PTPRD: variants seen among roughly 807,000 people sequenced by gnomAD.
PTPRD encodes receptor-type tyrosine-protein phosphatase delta.
A neutral mutation model predicts 214.5 loss-of-function variants in PTPRD; 34 were observed. The ratio of observed to expected loss-of-function variants is 0.16; its 90% CI spans 0.12 to 0.21. The LOEUF (loss-of-function observed/expected upper bound fraction) is 0.21. Ranked by LOEUF, PTPRD falls within the 10% of genes least tolerant of loss-of-function variation. The probability of loss-of-function intolerance (pLI) is 1.00; values close to 1 mark genes in which losing one functional copy is unlikely to be tolerated. For synonymous variants in PTPRD, 1,128 were observed against 845.7 expected (o/e 1.33, Z -5.79); for missense variants, 2,545 against 2,398.7 (o/e 1.06, Z -1.27).
rs556701022 is a variant in PTPRD at position 9,716,990 on chromosome 9, T to A, written c.-287+17543A>T. Among the ~76,000 whole-genome samples, 7 of 152,320 alleles carry A rather than the reference T, an allele frequency of 4.6e-5. 1 individual carries two copies. The South Asian group carries it at 1.2e-3, about 27-fold the overall frequency. ...AGGATTTTTATGGTTTTAGATCTAA[T>A]GTTGAAGTCTTTAATCCATCTTGAA... On this transcript the variant is annotated intron_variant, in intron 7 of 45. Coordinates refer to ENST00000381196, the MANE Select transcript of PTPRD (RefSeq NM_002839.4).
intron 3 of PTPRD, among the ~76,000 whole-genome samples, chr9:10,050,475 G>C (rs1022636281): frequency 1.4e-5 from 2 of 140,294 alleles, no homozygotes; most frequent in African/African-American, 2.6e-5. Flanking sequence ...CAGGAGAATT[G>C]CTTGAACCCA....
At chr9:9,359,368 G>A (rs1042721570) in intron 9 of PTPRD, among the ~76,000 whole-genome samples, 4 of 151,156 alleles carry the variant, frequency 2.6e-5, no homozygotes, top group African/African-American at 7.3e-5. Context: ...TTGATTTAAT[G>A]GTATGCATGA....
intron 11 of PTPRD, among the ~76,000 whole-genome samples, chr9:8,740,533 G>A (rs1463789586): frequency 6.6e-6 from 1 of 152,042 alleles, no homozygotes; most frequent in Non-Finnish European, 1.5e-5. Context: ...CTGAGAAAAG[G>A]GGCCATTGAA....
intron 7 of PTPRD, among the ~76,000 whole-genome samples, chr9:9,682,634 C>A (rs977467359): frequency 1.3e-5 from 2 of 151,692 alleles, no homozygotes; most frequent in Admixed American, 6.6e-5. Context: ...CTTAGGGAGA[C>A]AGACTGTCCA....
intron 3 of PTPRD, among the ~76,000 whole-genome samples, chr9:10,240,344 G>A (rs2099643490): frequency 6.6e-6 from 1 of 151,786 alleles, no homozygotes; most frequent in African/African-American, 2.4e-5. Context: ...TTTCAGCCAT[G>A]ACCCTTATGA....
chr9:10,508,339 C>T (rs1278391748), intron 2 of PTPRD, among the ~76,000 whole-genome samples: 1 of 152,142 alleles, frequency 6.6e-6, no homozygotes, highest in Non-Finnish European at 1.5e-5. Context: ...CACTTTTACA[C>T]TGTTGGTGGG....
chr9:8,708,616 T>C (rs547993508), intron 12 of PTPRD, among the ~76,000 whole-genome samples: 90 of 147,078 alleles, frequency 6.1e-4, no homozygotes, highest in African/African-American at 2.2e-3. Flanking sequence ...GAGTCGGAAG[T>C]TGCAGTGAGC....
intron 7 of PTPRD, among the ~76,000 whole-genome samples, chr9:9,670,754 G>T (rs922627127): frequency 1.3e-5 from 2 of 152,208 alleles, no homozygotes; most frequent in African/African-American, 4.8e-5. Context: ...TCCACATGGT[G>T]TTGAGCCTGC....
At chr9:8,372,135 T>C (rs1292785335) in intron 39 of PTPRD, among the ~76,000 whole-genome samples, 2 of 152,048 alleles carry the variant, frequency 1.3e-5, no homozygotes, top group Non-Finnish European at 2.9e-5. Flanking sequence ...CTGAGAAAAG[T>C]CTCATGGGAT....
At chr9:8,606,870 C>T (rs2095243180) in intron 14 of PTPRD, among the ~76,000 whole-genome samples, 2 of 152,176 alleles carry the variant, frequency 1.3e-5, no homozygotes, top group African/African-American at 4.8e-5. Context: ...GGATCTGTCA[C>T]AGTTTTTTTT....
intron 11 of PTPRD, among the ~76,000 whole-genome samples, chr9:8,786,338 CAGG>C (rs1220791385): frequency 2.7e-5 from 4 of 150,026 alleles, no homozygotes; most frequent in Admixed American, 6.7e-5. Context: ...TCTATTTTTG[CAGG>C]TATTAGGCAC....
At chr9:9,858,022 CAAAAG>C (rs1410470974) in intron 5 of PTPRD, among the ~76,000 whole-genome samples, 1 of 152,124 alleles carries the variant, frequency 6.6e-6, no homozygotes, top group Admixed American at 6.5e-5. Context: ...TTATCTATGT[CAAAAG>C]ATTCACTCCT....
chr9:9,233,890 T>A (rs990862661), intron 9 of PTPRD, among the ~76,000 whole-genome samples: 4 of 152,324 alleles, frequency 2.6e-5, no homozygotes, highest in Admixed American at 1.3e-4. Flanking sequence ...TGGCTGCTTT[T>A]ATGGGCTGGC....
chr9:9,689,141 C>A (rs896931221), intron 7 of PTPRD, among the ~76,000 whole-genome samples: 1 of 151,734 alleles, frequency 6.6e-6, no homozygotes, highest in Admixed American at 6.6e-5. Flanking sequence ...AATTGTATAA[C>A]GATAAAAATT....
At chr9:10,125,869 T>C (rs760206253) in intron 3 of PTPRD, among the ~76,000 whole-genome samples, 2 of 152,138 alleles carry the variant, frequency 1.3e-5, no homozygotes, top group Non-Finnish European at 2.9e-5. Context: ...AATATGGATA[T>C]AGAGGTCAAT....
intron 7 of PTPRD, among the ~76,000 whole-genome samples, chr9:9,655,256 A>G (rs1390285860): frequency 6.6e-6 from 1 of 152,190 alleles, no homozygotes; most frequent in African/African-American, 2.4e-5. Context: ...AAACTCAACA[A>G]TAAGAAAACA....
chr9:8,344,178 T>C (rs755309667), intron 39 of PTPRD, among the ~76,000 whole-genome samples: 21 of 152,210 alleles, frequency 1.4e-4, no homozygotes, highest in Admixed American at 9.8e-4. Context: ...TCTTTCTAAA[T>C]TGTCTTCATT....
intron 2 of PTPRD, among the ~76,000 whole-genome samples, chr9:10,565,705 A>C (rs1435974058): frequency 6.6e-6 from 1 of 152,086 alleles, no homozygotes; most frequent in Non-Finnish European, 1.5e-5. Context: ...AGCTTACTAT[A>C]GCCCTAAGTT....
chr9:8,537,797 G>A (rs2077319119), intron 14 of PTPRD, among the ~76,000 whole-genome samples: 1 of 151,976 alleles, frequency 6.6e-6, no homozygotes, highest in Admixed American at 6.6e-5. Flanking sequence ...TAGAAGCAAT[G>A]CATGCAATCA....
Sources: allele counts gnomAD v4.1 joint callset (sites outside exome capture counted in the v4.1 genomes callset), GRCh38; gene constraint gnomAD v4.1.1; transcripts MANE v1.5; gene names NCBI Gene and HGNC (gene_info 2026-07-23, HGNC 2026-07-21).